The following SGCZ variants were observed in gnomAD, a reference collection of about 807,000 sequenced individuals.
SGCZ encodes the protein sarcoglycan zeta, also known as zeta-sarcoglycan.
A neutral mutation model predicts 41.3 loss-of-function variants in SGCZ; 40 were observed. That is an observed-to-expected ratio of 0.97 (90% CI 0.75 to 1.26). SGCZ has a LOEUF of 1.26. Ranked by LOEUF, SGCZ falls within the 50% of genes most tolerant of loss-of-function variation. The probability of loss-of-function intolerance (pLI) is 0.00; values close to 1 mark genes in which losing one functional copy is unlikely to be tolerated. For missense variants in SGCZ, 552 were observed against 369.8 expected (o/e 1.49, Z -4.04); for synonymous variants, 206 against 137.5 (o/e 1.50, Z -3.49).
At chr8:14,476,387 C>T (rs1214424492) in intron 2 of SGCZ, among the ~76,000 whole-genome samples, 2 of 152,002 alleles carry the variant, frequency 1.3e-5, no homozygotes, top group Non-Finnish European at 2.9e-5. Context: ...CATCATAAAT[C>T]TTTCCTTATA....
chr8:14,612,736 G>A (rs907342140), intron 1 of SGCZ, among the ~76,000 whole-genome samples: 5 of 152,086 alleles, frequency 3.3e-5, no homozygotes, highest in African/African-American at 9.7e-5. Flanking sequence ...GCCCAAGCTG[G>A]AAGGCAGTGG....
intron 3 of SGCZ, among the ~76,000 whole-genome samples, chr8:14,275,244 G>A (rs1253525501): frequency 6.6e-6 from 1 of 152,144 alleles, no homozygotes; most frequent in Non-Finnish European, 1.5e-5. Flanking sequence ...AAGCCTAAAT[G>A]AGACTGCAAG....
chr8:14,698,119 T>C (rs1809023710), intron 1 of SGCZ, among the ~76,000 whole-genome samples: 1 of 152,146 alleles, frequency 6.6e-6, no homozygotes, highest in Admixed American at 6.6e-5. Flanking sequence ...ATTTAAATAA[T>C]CGCCTTTCTA....
chr8:14,846,497 C>G (rs1006487943), intron 1 of SGCZ, among the ~76,000 whole-genome samples: 2 of 151,840 alleles, frequency 1.3e-5, no homozygotes, highest in East Asian at 3.9e-4. Context: ...AAAGTCACAT[C>G]ACTATAGACT....
At chr8:14,151,266 C>T (rs913319805) in intron 5 of SGCZ, among the ~76,000 whole-genome samples, 1 of 151,894 alleles carries the variant, frequency 6.6e-6, no homozygotes, top group Non-Finnish European at 1.5e-5. Flanking sequence ...ATTCTTGCAT[C>T]GACATCTCAT....
chr8:15,170,618 G>A (rs1210834291), intron 1 of SGCZ, among the ~76,000 whole-genome samples: 1 of 152,166 alleles, frequency 6.6e-6, no homozygotes, highest in Non-Finnish European at 1.5e-5. Context: ...TGGAATCCAG[G>A]TGACTGGGTT....
At chr8:14,892,149 C>T (rs1337417763) in intron 1 of SGCZ, among the ~76,000 whole-genome samples, 2 of 152,136 alleles carry the variant, frequency 1.3e-5, no homozygotes, top group African/African-American at 2.4e-5. Context: ...GGCTTCCATA[C>T]AATTTCAGAA....
At chr8:15,215,072 C>G (rs1427104246) in intron 1 of SGCZ, among the ~76,000 whole-genome samples, 1 of 152,120 alleles carries the variant, frequency 6.6e-6, no homozygotes, top group African/African-American at 2.4e-5. Context: ...AAACAACTCC[C>G]TCTTTTCAAC....
chr8:14,098,667 T>C (rs1801919724), intron 7 of SGCZ, among the ~76,000 whole-genome samples: 1 of 152,170 alleles, frequency 6.6e-6, no homozygotes, highest in African/African-American at 2.4e-5. Context: ...GAAGAAATAT[T>C]AAAAGCTGGT....
intron 2 of SGCZ, among the ~76,000 whole-genome samples, chr8:14,329,541 T>A (rs1471651885): frequency 6.6e-6 from 1 of 152,188 alleles, no homozygotes; most frequent in Non-Finnish European, 1.5e-5. Flanking sequence ...GCTTGGAGAT[T>A]GCCACCTAAC....
At chr8:15,172,502 G>C (rs1446198627) in intron 1 of SGCZ, among the ~76,000 whole-genome samples, 1 of 152,102 alleles carries the variant, frequency 6.6e-6, no homozygotes, top group Non-Finnish European at 1.5e-5. Flanking sequence ...CCACTAGAGA[G>C]TAGGAGTCAG....
chr8:14,757,662 G>A (rs1350198643), intron 1 of SGCZ, among the ~76,000 whole-genome samples: 2 of 152,168 alleles, frequency 1.3e-5, no homozygotes, highest in African/African-American at 4.8e-5. Context: ...AACTCTTTCG[G>A]TTTCACAGCA....
At chr8:14,685,688 A>G (rs935517830) in intron 1 of SGCZ, among the ~76,000 whole-genome samples, 1 of 152,134 alleles carries the variant, frequency 6.6e-6, no homozygotes, top group African/African-American at 2.4e-5. Flanking sequence ...ATTAACACCA[A>G]TATTGGTATC....
chr8:14,737,348 G>A (rs1295754640), intron 1 of SGCZ, among the ~76,000 whole-genome samples: 2 of 151,738 alleles, frequency 1.3e-5, no homozygotes, highest in South Asian at 4.2e-4. Context: ...AATCACAGAC[G>A]GTCAATTGGA....
intron 1 of SGCZ, among the ~76,000 whole-genome samples, chr8:14,842,707 G>T (rs909162464): frequency 1.3e-5 from 2 of 152,110 alleles, no homozygotes; most frequent in African/African-American, 4.8e-5. Flanking sequence ...TTAAGCCCTG[G>T]AAGTTACATG....
intron 2 of SGCZ, among the ~76,000 whole-genome samples, chr8:14,540,902 T>A (rs1803445497): frequency 6.6e-6 from 1 of 151,736 alleles, no homozygotes; most frequent in Non-Finnish European, 1.5e-5. Context: ...CCTTAACTGT[T>A]CTTTACTGCT....
chr8:14,236,772 A>T (rs1470866851), intron 4 of SGCZ, among the ~76,000 whole-genome samples: 1 of 151,626 alleles, frequency 6.6e-6, no homozygotes, highest in Non-Finnish European at 1.5e-5. Flanking sequence ...ATAATTCAGA[A>T]TCTACATGCA....
At chr8:14,330,270 G>A (rs940126891) in intron 2 of SGCZ, among the ~76,000 whole-genome samples, 2 of 152,008 alleles carry the variant, frequency 1.3e-5, no homozygotes, top group African/African-American at 2.4e-5. Flanking sequence ...CAGTGGATAT[G>A]AAGTATGTGG....
At chr8:14,970,553 T>C (rs1422717021) in intron 1 of SGCZ, among the ~76,000 whole-genome samples, 2 of 152,182 alleles carry the variant, frequency 1.3e-5, no homozygotes, top group African/African-American at 4.8e-5. Flanking sequence ...AACACCTTTC[T>C]TGAAAAGACT....
Sources: gnomAD v4.1 joint callset for allele counts (sites outside exome capture counted in the v4.1 genomes callset) on GRCh38, gnomAD v4.1.1 for gene constraint, MANE v1.5 for transcripts, NCBI Gene and HGNC (gene_info 2026-07-23, HGNC 2026-07-21) for gene names.